SLC39A12: variants seen among roughly 807,000 people sequenced by gnomAD.
SLC39A12 encodes the protein solute carrier family 39 member 12, also known as zinc transporter ZIP12.
A neutral mutation model predicts 71.1 loss-of-function variants in SLC39A12; 63 were observed. The observed-to-expected ratio is 0.89, with a 90% CI of 0.72 to 1.09. SLC39A12 has a LOEUF of 1.09. Ranked by LOEUF, SLC39A12 falls within the 50% of genes least tolerant of loss-of-function variation. The pLI, the probability that SLC39A12 is intolerant of heterozygous loss-of-function variation, is 0.00. For synonymous variants in SLC39A12, 351 were observed against 301.3 expected (o/e 1.16, Z -1.71); for missense variants, 892 against 812.6 (o/e 1.10, Z -1.19).
intron 12 of SLC39A12, among the ~76,000 whole-genome samples, chr10:18,025,923 A>G (rs1027770668): frequency 2.0e-5 from 3 of 152,124 alleles, no homozygotes; most frequent in Admixed American, 6.5e-5. Context: ...ATCCAAGTCT[A>G]TTTTCAAATA....
chr10:18,042,700 T>G lies in SLC39A12; in HGVS notation c.1948-5T>G. ...TCTTATTCTGGTTTTTTATTCTTTT[T>G]TTAGCTTCCTGAAATGACTCATGTT... On this transcript the variant is annotated splice_region_variant and splice_polypyrimidine_tract_variant and intron_variant, in intron 12 of 12. Transcript: ENST00000377369. 1 of 1,599,910 alleles carries G rather than the reference T, an allele frequency of 6.3e-7. No individual in the cohort carries two copies.
rs1019453307 is a variant in SLC39A12, at chr10:17,999,035, G to A, written c.1601-1632G>A. Among the ~76,000 whole-genome samples, 7 of 152,032 alleles carry A rather than the reference G, an allele frequency of 4.6e-5. 1 individual carries two copies. Among genetic ancestry groups the A allele is most frequent in the Admixed American group, 4.6e-4 (7 of 15,268 alleles). ...AATTAGGCCAGGTGCAGTGGCTAACGCCTGTAATCCCAGCACTTTGGGAGG... is the reference window on the plus strand; with the variant it reads ...AATTAGGCCAGGTGCAGTGGCTAACACCTGTAATCCCAGCACTTTGGGAGG... On this transcript the variant is annotated intron_variant, in intron 10 of 12. Coordinates refer to ENST00000377369, the MANE Select transcript of SLC39A12 (RefSeq NM_001145195.2).
intron 12 of SLC39A12, among the ~76,000 whole-genome samples, chr10:18,036,746 TTATA>T (rs1195629854): frequency 6.5e-3 from 241 of 37,342 alleles, no homozygotes; most frequent in Non-Finnish European, 9.6e-3. Context: ...ATTTTAAAAA[TTATA>T]TATATATATA....
In SLC39A12 at chr10:17,987,600, C is replaced by G; in HGVS notation, c.1218C>G (p.Gly406=). 1 of 1,614,180 alleles carries G rather than the reference C, an allele frequency of 6.2e-7. No homozygotes were observed. Among genetic ancestry groups the G allele is most frequent in the Non-Finnish European group, 8.5e-7 (1 of 1,180,034 alleles). ...GGCTTATCTTACAGCTGTTTGTGGG[C>G]TTGGCCGTCGGGACACTGTCTGGGG... ...NYRLILQLFV[G]LAVGTLSGDA... is the part of the protein sequence containing the mutation. The change falls in exon 7 of 13, where the codon GGC becomes GGG. Residue 406 remains glycine, a synonymous_variant. Transcript: ENST00000377369.
intron 12 of SLC39A12, among the ~76,000 whole-genome samples, chr10:18,040,326 A>G (rs1455004374): frequency 6.6e-6 from 1 of 152,180 alleles, no homozygotes; most frequent in Non-Finnish European, 1.5e-5. Flanking sequence ...GCAGTTCTGG[A>G]TCCTACTTTG....
At chr10:17,979,190 A>T (rs1433902387) in intron 5 of SLC39A12, among the ~76,000 whole-genome samples, 3 of 152,210 alleles carry the variant, frequency 2.0e-5, no homozygotes, top group Non-Finnish European at 1.5e-5. Context: ...TTTCTTTATA[A>T]AAAATATGTT....
At chr10:18,009,852 C>T (rs1836150769) in intron 12 of SLC39A12, 1 of 152,180 alleles carries the variant, frequency 6.6e-6, no homozygotes, top group African/African-American at 2.4e-5. Flanking sequence ...CCTGAGTATT[C>T]AATCTGGTCA....
At chr10:18,029,863 C>T (rs924944332) in intron 12 of SLC39A12, among the ~76,000 whole-genome samples, 1 of 150,466 alleles carries the variant, frequency 6.6e-6, no homozygotes, top group African/African-American at 2.4e-5. Flanking sequence ...CCTTTATTTT[C>T]CTTCAAAATT....
Position 17,995,646 on chromosome 10 carries a change from T to C in SLC39A12, c.1534-10T>C, listed in dbSNP as rs182565833. ...TTATCTTTCATCAGTTATTTTTTAA[T>C]TTAAAATAGAAAAGCCCAGAAGATT... On this transcript the variant is annotated splice_polypyrimidine_tract_variant and intron_variant, in intron 9 of 12. Transcript: ENST00000377369. 1.9e-6 allele frequency: 3 copies of C among 1,610,268 alleles called. No homozygotes were observed. Among genetic ancestry groups the C allele is most frequent in the East Asian group, 2.2e-5 (1 of 44,832 alleles).
intron 11 of SLC39A12, among the ~76,000 whole-genome samples, chr10:18,001,598 G>A (rs571152661): frequency 1.3e-5 from 2 of 152,318 alleles, no homozygotes; most frequent in East Asian, 3.9e-4. Flanking sequence ...GCCAAGCCTA[G>A]CATTGAAATG....
chr10:18,041,110 T>A (rs1484565878), intron 12 of SLC39A12, among the ~76,000 whole-genome samples: 1 of 152,296 alleles, frequency 6.6e-6, no homozygotes, highest in African/African-American at 2.4e-5. Flanking sequence ...AATGACTGTG[T>A]AATGAAAGAG....
At chr10:17,974,305 A>G (rs1029565760) in intron 4 of SLC39A12, among the ~76,000 whole-genome samples, 1 of 152,060 alleles carries the variant, frequency 6.6e-6, no homozygotes, top group African/African-American at 2.4e-5. Flanking sequence ...TTTTCCTGGA[A>G]TATCTTGATA....
intron 12 of SLC39A12, among the ~76,000 whole-genome samples, chr10:18,038,441 A>G (rs1235575201): frequency 6.6e-6 from 1 of 152,158 alleles, no homozygotes; most frequent in South Asian, 2.1e-4. Flanking sequence ...ACCTGAGGTC[A>G]GGAGTTCAAG....
At chr10:17,952,731 C>T (rs1170590788) in intron 1 of SLC39A12, among the ~76,000 whole-genome samples, 1 of 152,132 alleles carries the variant, frequency 6.6e-6, no homozygotes, top group Non-Finnish European at 1.5e-5. Flanking sequence ...TCGTGATCTG[C>T]CTGCTTCAGC....
intron 12 of SLC39A12, among the ~76,000 whole-genome samples, chr10:18,030,962 A>T (rs934452515): frequency 7.0e-4 from 106 of 151,868 alleles, no homozygotes; most frequent in Non-Finnish European, 3.4e-4. Context: ...CCACGTCCCT[A>T]CAAAGGACAT....
intron 9 of SLC39A12, among the ~76,000 whole-genome samples, chr10:17,994,491 G>A (rs2130830936): frequency 6.6e-6 from 1 of 152,152 alleles, no homozygotes; most frequent in South Asian, 2.1e-4. Context: ...TTTACATAAT[G>A]TGACAATAAA....
In SLC39A12 at chr10:17,991,255, T is replaced by G; in HGVS notation, c.1374T>G (p.Phe458Leu). The change falls in exon 8 of 13, where the codon TTT becomes TTG. Residue 458 changes from phenylalanine (F) to leucine (L), a missense_variant. Coordinates refer to ENST00000377369, the MANE Select transcript of SLC39A12 (RefSeq NM_001145195.2). Reference protein sequence around the residue: ...LMGLIGGIHGFFLIEKCFILL... With the variant: ...LMGLIGGIHGLFLIEKCFILL... Reference sequence around the variant, plus strand: ...GATTAATTGGAGGCATCCATGGATTTTTCTTGATAGAAAAATGTTTTATTC... The same window carrying G: ...GATTAATTGGAGGCATCCATGGATTGTTCTTGATAGAAAAATGTTTTATTC... 1 of 1,597,374 alleles carries G rather than the reference T, an allele frequency of 6.3e-7. No homozygotes were observed. The highest frequency in any genetic ancestry group is 1.2e-5 in the South Asian group (1 of 85,748).
At chr10:17,986,026 A>G (rs1808421190) in intron 6 of SLC39A12, among the ~76,000 whole-genome samples, 1 of 152,210 alleles carries the variant, frequency 6.6e-6, no homozygotes, top group Admixed American at 6.5e-5. Context: ...CAAATAATTC[A>G]GACAGCTTTT....
chr10:18,036,804 T>TTTTA (rs1837061295), intron 12 of SLC39A12, among the ~76,000 whole-genome samples: 1 of 128,566 alleles, frequency 7.8e-6, no homozygotes, highest in African/African-American at 3.0e-5. Context: ...ATTTTTTTTT[T>TTTTA]TAATGGAATC....
Sources: gnomAD v4.1 joint callset for allele counts (sites outside exome capture counted in the v4.1 genomes callset) on GRCh38, gnomAD v4.1.1 for gene constraint, MANE v1.5 for transcripts, NCBI Gene and HGNC (gene_info 2026-07-23, HGNC 2026-07-21) for gene names.